HDAC9: variants seen among roughly 807,000 people sequenced by gnomAD.
The protein encoded by HDAC9 is MEF-2 interacting transcription repressor (MITR) protein.
HDAC9 carries 41 observed loss-of-function variants against 139.4 expected under a neutral mutation model. The ratio of observed to expected loss-of-function variants is 0.29; its 90% confidence interval spans 0.23 to 0.38. HDAC9 has a LOEUF of 0.38. Ranked by LOEUF, HDAC9 falls within the 10% of genes least tolerant of loss-of-function variation. The pLI is 1.00. For synonymous variants in HDAC9, 517 were observed against 476.2 expected, an observed-to-expected ratio of 1.09 and a Z score of -1.12; for missense variants, 1,147 against 1,297.0, an observed-to-expected ratio of 0.88 and a Z score of 1.78.
chr7:18,638,490 G>A (rs1316149396), intron 8 of HDAC9, among the ~76,000 whole-genome samples: 2 of 151,970 alleles, frequency 1.3e-5, no homozygotes, highest in Non-Finnish European at 2.9e-5. Context: ...CTCCAAAACC[G>A]GCTACCTTGT....
intron 2 of HDAC9, among the ~76,000 whole-genome samples, chr7:18,184,210 C>G (rs1488986748): frequency 6.6e-6 from 1 of 152,074 alleles, no homozygotes; most frequent in Non-Finnish European, 1.5e-5. Context: ...ACCCGCCTGA[C>G]CAACATGGAG....
At chr7:18,618,726 G>GTA (rs71014394) in intron 6 of HDAC9, among the ~76,000 whole-genome samples, 3,562 of 119,832 alleles carry the variant, frequency 0.03, 91 homozygotes, top group East Asian at 0.054. Flanking sequence ...ACAGAATTTT[G>GTA]TATATATATA....
chr7:18,297,897 G>A (rs1397552046), intron 1 of HDAC9, among the ~76,000 whole-genome samples: 1 of 152,120 alleles, frequency 6.6e-6, no homozygotes, highest in Admixed American at 6.5e-5. Flanking sequence ...ATGCTTTTTA[G>A]CCTTAATGAC....
chr7:18,254,713 A>C (rs187332274), intron 2 of HDAC9, among the ~76,000 whole-genome samples: 3 of 152,206 alleles, frequency 2.0e-5, no homozygotes, highest in Non-Finnish European at 4.4e-5. Context: ...TTCTGAAGGG[A>C]AATTTTATAG....
chr7:18,249,872 T>G (rs1794809388), intron 2 of HDAC9, among the ~76,000 whole-genome samples: 1 of 152,166 alleles, frequency 6.6e-6, no homozygotes, highest in Admixed American at 6.5e-5. Flanking sequence ...ATCTTTAAAA[T>G]AAGGGTTTAA....
In HDAC9 at chr7:18,163,142, T is replaced by C. The variant is rs890634728; in HGVS notation, c.25+793T>C. ...TATGTACTATCATACTCAGGGCTTA[T>C]AAGGGAGACAACTTGCCAAGATTTT... is the stretch of plus-strand genomic sequence containing the variant. On this transcript the variant is annotated intron_variant, in intron 2 of 12. Coordinates refer to the HDAC9 transcript ENST00000417496. 5.3e-5 allele frequency among the ~76,000 whole-genome samples: 8 copies of C among 152,202 alleles called. No individual in the cohort carries two copies. In the East Asian group the frequency reaches 9.6e-4, roughly 18 times the overall value.
chr7:18,610,177 T>A (rs2128905715), intron 6 of HDAC9, among the ~76,000 whole-genome samples: 1 of 152,230 alleles, frequency 6.6e-6, no homozygotes, highest in South Asian at 2.1e-4. Flanking sequence ...ATAGACTGGA[T>A]TAAGAACTCG....
intron 12 of HDAC9, among the ~76,000 whole-genome samples, chr7:18,674,681 G>A (rs1584813588): frequency 1.3e-5 from 2 of 151,848 alleles, no homozygotes; most frequent in South Asian, 4.2e-4. Flanking sequence ...ATGGTTAAAG[G>A]CATTTTCTTC....
At chr7:18,193,602 C>CT (rs1790515332) in intron 2 of HDAC9, among the ~76,000 whole-genome samples, 2 of 152,158 alleles carry the variant, frequency 1.3e-5, no homozygotes, top group South Asian at 4.1e-4. Context: ...TGAACTCCAC[C>CT]TTTCACTCAT....
At position 18,471,344 on chromosome 7, in the gene HDAC9, G is replaced by C. The variant is rs1391956321; in HGVS notation, c.-41-24918G>C. Among the ~76,000 whole-genome samples the C allele has an allele frequency of 2.6e-5, 4 of 152,260 alleles. No individual in the cohort carries two copies. The East Asian group carries it at 7.7e-4, about 29-fold the overall frequency. ...TTGATATCTGGGTAATCAAGTCCTAGCCATAGCCTTTCTGCTTTTACACAA... is the reference window on the plus strand; with the variant it reads ...TTGATATCTGGGTAATCAAGTCCTACCCATAGCCTTTCTGCTTTTACACAA... On this transcript the variant is annotated intron_variant, in intron 1 of 3. Coordinates refer to the HDAC9 transcript ENST00000413509.
intron 6 of HDAC9, among the ~76,000 whole-genome samples, chr7:18,612,204 A>C (rs907190793): frequency 6.6e-6 from 1 of 152,150 alleles, no homozygotes; most frequent in Non-Finnish European, 1.5e-5. Flanking sequence ...AATATTCCAT[A>C]TAGAGGCTAT....
At chr7:18,851,817 A>G (rs921668135) in intron 21 of HDAC9, among the ~76,000 whole-genome samples, 1 of 152,112 alleles carries the variant, frequency 6.6e-6, no homozygotes, top group Admixed American at 6.5e-5. Flanking sequence ...AAAGCAAACC[A>G]TTTTCCGTTT....
intron 1 of HDAC9, among the ~76,000 whole-genome samples, chr7:18,143,744 G>A (rs545877259): frequency 2.1e-4 from 31 of 148,398 alleles, no homozygotes; most frequent in South Asian, 1.9e-3. Flanking sequence ...AGTGAGCCAC[G>A]ATCGCACCAT....
At chr7:18,884,429 G>A (rs1799968298) in intron 22 of HDAC9, among the ~76,000 whole-genome samples, 1 of 152,098 alleles carries the variant, frequency 6.6e-6, no homozygotes, top group South Asian at 2.1e-4. Flanking sequence ...CAACGATGGC[G>A]AGAACACTCC....
At chr7:18,266,276 A>G (rs1309466859) in intron 2 of HDAC9, among the ~76,000 whole-genome samples, 2 of 152,200 alleles carry the variant, frequency 1.3e-5, no homozygotes, top group Non-Finnish European at 2.9e-5. Context: ...GTTTTCCTTG[A>G]AAGTTCTAAT....
At chr7:18,888,211 G>C (rs553802027) in intron 22 of HDAC9, among the ~76,000 whole-genome samples, 50 of 152,214 alleles carry the variant, frequency 3.3e-4, no homozygotes, top group African/African-American at 1.2e-3. Flanking sequence ...CACGAGGTGA[G>C]GAGATCGAGA....
chr7:18,852,862 C>G (rs1286025751), intron 21 of HDAC9, among the ~76,000 whole-genome samples: 3 of 150,908 alleles, frequency 2.0e-5, no homozygotes, highest in South Asian at 4.2e-4. Context: ...TTTTTTCCCT[C>G]TCTTTCTTTC....
intron 1 of HDAC9, among the ~76,000 whole-genome samples, chr7:18,460,320 A>G (rs865827737): frequency 6.6e-6 from 1 of 152,188 alleles, no homozygotes; most frequent in South Asian, 2.1e-4. Context: ...ATAGAGAGGA[A>G]ACAAATCTTT....
intron 12 of HDAC9, chr7:18,668,585 G>A: frequency 1.0e-6 from 1 of 979,838 alleles, no homozygotes; most frequent in East Asian, 1.1e-4. Context: ...AGTACAGTTG[G>A]TGGACGTTAA....
Sources: allele counts gnomAD v4.1 joint callset (sites outside exome capture counted in the v4.1 genomes callset), GRCh38; gene constraint gnomAD v4.1.1; transcripts MANE v1.5; gene names NCBI Gene and HGNC (gene_info 2026-07-23, HGNC 2026-07-21).